Variants in APBA1 observed in about 807,000 individuals in gnomAD.
The protein encoded by APBA1 is amyloid-beta A4 precursor protein-binding family A member 1.
Under a neutral mutation model 86.6 loss-of-function variants are expected in APBA1, and 55 were observed. That is an observed-to-expected ratio of 0.64 (90% CI 0.51 to 0.80). The LOEUF (loss-of-function observed/expected upper bound fraction) is 0.80. Among genes scored for constraint, APBA1 ranks in the 30% least tolerant of loss-of-function variants. The probability of loss-of-function intolerance (pLI) is 0.00; values close to 1 mark genes in which losing one functional copy is unlikely to be tolerated. For synonymous variants in APBA1, 511 were observed against 493.9 expected (o/e 1.03, Z -0.46); for missense variants, 1,090 against 1,183.0 (o/e 0.92, Z 1.15).
In APBA1 at chr9:69,449,623, C is replaced by G. The variant is rs1390430293; in HGVS notation, c.2142G>C (p.Leu714=). 2 of 1,614,032 alleles carry G rather than the reference C, an allele frequency of 1.2e-6. No individual in the cohort carries two copies. The change falls in exon 10 of 13, where the codon CTG becomes CTC. Residue 714 remains leucine (L), a synonymous_variant. Coordinates refer to ENST00000265381, the MANE Select transcript of APBA1 (RefSeq NM_001163.4). The part of the protein sequence containing the change: ...DQIMSINGTS[L]VGLPLSTCQS... Reference sequence around the variant, plus strand: ...GGCAGGTGGACAGAGGCAGGCCCACCAGGCTGGTGCCATTAATGGACATGA... The same window carrying G: ...GGCAGGTGGACAGAGGCAGGCCCACGAGGCTGGTGCCATTAATGGACATGA...
chr9:69,521,544 G>A (rs1836251848), intron 1 of APBA1, among the ~76,000 whole-genome samples: 2 of 151,894 alleles, frequency 1.3e-5, no homozygotes, highest in Non-Finnish European at 2.9e-5. Context: ...CTGGGTCGGG[G>A]GTCAGAGGGA....
rs1834590182 is a variant in APBA1 at position 69,431,349 on chromosome 9, T to C, written c.2492A>G (p.Gln831Arg). Residue 831 changes from glutamine (Q) to arginine (R), a missense_variant, in exon 13 of 13, where the codon CAG becomes CGG. Transcript: ENST00000265381. Reference protein sequence around the residue: ...PAAMYRLLTAQEQPVYI With the variant: ...PAAMYRLLTAREQPVYI ...CGGTCAGATGTAAACAGGCTGCTCC[T>C]GGGCCGTCAGCAGCCTGTACATCGC... is the stretch of plus-strand genomic sequence containing the variant. The C allele has an allele frequency of 2.5e-6, 4 of 1,612,562 alleles. No individual in the cohort carries two copies. The highest frequency in any genetic ancestry group is 1.3e-5 in the African/African-American group (1 of 74,842).
chr9:69,636,922 G>GGAAGGAAAGAAGGAAGGAAGGAAAGAAA (rs1331913719), intron 1 of APBA1, among the ~76,000 whole-genome samples: 1 of 63,970 alleles, frequency 1.6e-5, no homozygotes, highest in African/African-American at 6.7e-5. Context: ...AAGGAAGGAA[G>GGAAGGAAAGAAGGAAGGAAGGAAAGAAA]GAAAGAAAGA....
chr9:69,606,829 G>A (rs1374094196), intron 1 of APBA1, among the ~76,000 whole-genome samples: 1 of 152,040 alleles, frequency 6.6e-6, no homozygotes, highest in Non-Finnish European at 1.5e-5. Context: ...TCCAGTTAAA[G>A]TCTGTATACT....
chr9:69,452,661 T>G (rs996069230), intron 8 of APBA1, among the ~76,000 whole-genome samples: 1 of 152,380 alleles, frequency 6.6e-6, no homozygotes, highest in African/African-American at 2.4e-5. Context: ...CATGCAATAC[T>G]TGTTTACAGT....
intron 1 of APBA1, among the ~76,000 whole-genome samples, chr9:69,651,066 G>A (rs1459182492): frequency 1.3e-5 from 2 of 152,168 alleles, no homozygotes; most frequent in Non-Finnish European, 2.9e-5. Flanking sequence ...TTATACAACT[G>A]AATACCATAT....
chr9:69,542,664 G>C (rs1005850644), intron 1 of APBA1, among the ~76,000 whole-genome samples: 2 of 152,214 alleles, frequency 1.3e-5, no homozygotes, highest in African/African-American at 4.8e-5. Context: ...TAGATTGTGT[G>C]TATGGTAAGG....
At chr9:69,575,460 T>C (rs1013712701) in intron 1 of APBA1, among the ~76,000 whole-genome samples, 9 of 152,092 alleles carry the variant, frequency 5.9e-5, no homozygotes, top group African/African-American at 2.2e-4. Flanking sequence ...CAAACTATAC[T>C]ACAAGGCTAC....
rs766154789 is a variant in APBA1, at chr9:69,516,996, C to T, written c.215G>A (p.Gly72Glu). The change falls in exon 2 of 13, where the codon GGG becomes GAG. Residue 72 changes from glycine to glutamate, a missense_variant. Coordinates refer to ENST00000265381, the MANE Select transcript of APBA1 (RefSeq NM_001163.4). The surrounding 1 kb of genome is among the most constrained non-coding windows in gnomAD (Gnocchi z 7.3). The part of the protein sequence containing the change: ...AQLGQEEEER[G>E]ECLARSASTE... The stretch of plus-strand genomic sequence containing the variant: ...GCTGGCTGAGCGCGCCAGGCATTCC[C>T]CGCGCTCCTCTTCCTCCTGGCCGAG... 6.3e-7 allele frequency: 1 copy of T among 1,581,468 alleles called. No individual in the cohort carries two copies. The highest frequency in any genetic ancestry group is 8.5e-7 in the Non-Finnish European group (1 of 1,170,636).
At chr9:69,453,778 T>G (rs1372943698) in intron 8 of APBA1, among the ~76,000 whole-genome samples, 2 of 152,254 alleles carry the variant, frequency 1.3e-5, no homozygotes, top group Non-Finnish European at 2.9e-5. Flanking sequence ...ATCTGTAAGA[T>G]TCATGGTAAG....
At chr9:69,550,471 T>A (rs1469679751) in intron 1 of APBA1, among the ~76,000 whole-genome samples, 1 of 152,220 alleles carries the variant, frequency 6.6e-6, no homozygotes, top group Admixed American at 6.5e-5. Flanking sequence ...TTAATGTAGG[T>A]TCTTATTTGA....
chr9:69,431,910 GTAACTGACAGCAGTGT>G (rs1367061236), intron 12 of APBA1, among the ~76,000 whole-genome samples: 3 of 150,386 alleles, frequency 2.0e-5, no homozygotes, highest in Non-Finnish European at 4.4e-5. Flanking sequence ...GACAGCAGTG[GTAACTGACAGCAGTGT>G]TGACTGACAG....
intron 2 of APBA1, among the ~76,000 whole-genome samples, chr9:69,497,845 A>C (rs7039417): frequency 0.24 from 36,214 of 151,990 alleles, 5,171 homozygotes; most frequent in African/African-American, 0.39. Flanking sequence ...AATCTGCCTC[A>C]TCTCAGCCAG....
At chr9:69,511,117 C>T (rs1430771437) in intron 2 of APBA1, among the ~76,000 whole-genome samples, 5 of 151,978 alleles carry the variant, frequency 3.3e-5, no homozygotes, top group East Asian at 3.9e-4. Flanking sequence ...AAAGAAACTA[C>T]CATCAGAGTG....
chr9:69,483,863 T>G (rs1185648243), intron 2 of APBA1, among the ~76,000 whole-genome samples: 1 of 152,024 alleles, frequency 6.6e-6, no homozygotes, highest in Non-Finnish European at 1.5e-5. Context: ...TAGCCCCACA[T>G]GCCTTCAAGA....
At position 69,517,140 on chromosome 9, in the gene APBA1, G is replaced by A. The variant is rs1225653625; in HGVS notation, c.71C>T (p.Ser24Leu). The A allele has an allele frequency of 6.4e-7, 1 of 1,567,104 alleles. No homozygotes were observed. Among genetic ancestry groups the A allele is most frequent in the Admixed American group, 1.9e-5 (1 of 53,918 alleles). ...DEAAGGEVNESVEADLEHPEV... is the reference protein window; with the variant it reads ...DEAAGGEVNELVEADLEHPEV... ...GGGGTGCTCCAGGTCGGCCTCCACC[G>A]ACTCGTTCACCTCCCCACCTGCCGC... The change falls in exon 2 of 13, where the codon TCG becomes TTG. Residue 24 changes from serine to leucine, a missense_variant. By Grantham distance (145) the Ser-to-Leu change is moderately radical (BLOSUM62 -2). Coordinates refer to ENST00000265381, the MANE Select transcript of APBA1 (RefSeq NM_001163.4).
chr9:69,628,197 C>CA (rs1157783011), intron 1 of APBA1, among the ~76,000 whole-genome samples: 1 of 152,044 alleles, frequency 6.6e-6, no homozygotes, highest in Non-Finnish European at 1.5e-5. Flanking sequence ...CATACAGCCA[C>CA]AAAAAATATA....
At chr9:69,668,439 T>C (rs1322709091) in intron 1 of APBA1, among the ~76,000 whole-genome samples, 1 of 152,192 alleles carries the variant, frequency 6.6e-6, no homozygotes, top group Admixed American at 6.5e-5. Flanking sequence ...TGTTCCCTTC[T>C]TGCCTCCCAC....
intron 2 of APBA1, among the ~76,000 whole-genome samples, chr9:69,488,937 CT>C (rs148786964): frequency 0.11 from 16,139 of 151,982 alleles, 1,017 homozygotes; most frequent in East Asian, 0.28. Context: ...TGTGAAAGAC[CT>C]CTTCAAGGAG....
Sources: allele counts gnomAD v4.1 joint callset (sites outside exome capture counted in the v4.1 genomes callset), GRCh38; gene constraint gnomAD v4.1.1; non-coding constraint Gnocchi (gnomAD v3.1); transcripts MANE v1.5; gene names NCBI Gene and HGNC (gene_info 2026-07-23, HGNC 2026-07-21).